The following SNX29 variants were observed in gnomAD, a reference collection of about 807,000 sequenced individuals.
The protein encoded by SNX29 is sorting nexin 29.
In SNX29, 78 loss-of-function variants were observed where a neutral mutation model predicts 102.1. The observed-to-expected ratio is 0.76, with a 90% CI of 0.64 to 0.92. The LOEUF is 0.92. SNX29 is among the 40% of genes least tolerant of loss of function. SNX29 has a pLI of 0.00. For missense variants in SNX29, 1,280 were observed against 1,061.7 expected (o/e 1.21, Z -2.86); for synonymous variants, 580 against 414.5 (o/e 1.40, Z -4.85).
chr16:12,480,846 G>C (rs987789883), intron 19 of SNX29, among the ~76,000 whole-genome samples: 1 of 152,202 alleles, frequency 6.6e-6, no homozygotes, highest in African/African-American at 2.4e-5. Context: ...GGTCTCTGCT[G>C]TGCAGGAGCT....
chr16:12,309,423 T>TC (rs1218097364), intron 15 of SNX29, among the ~76,000 whole-genome samples: 7 of 152,074 alleles, frequency 4.6e-5, no homozygotes, highest in Admixed American at 4.6e-4. Context: ...TCTTCCCTGA[T>TC]CCCCCCACAA....
Position 12,273,636 on chromosome 16 carries a change from G to T in SNX29, c.1679-4297G>T, listed in dbSNP as rs566431247. On this transcript the variant is annotated intron_variant, in intron 14 of 20. Coordinates refer to ENST00000566228, the MANE Select transcript of SNX29 (RefSeq NM_032167.5). ...ACCTCCCAATGTGCTGGGATTACAG[G>T]CGTGAGCCACCAAGCCCGACCCTCA... 2.0e-5 allele frequency among the ~76,000 whole-genome samples: 3 copies of T among 152,294 alleles called. No individual in the cohort carries two copies. In the South Asian group the frequency reaches 6.2e-4, roughly 32 times the overall value.
intron 1 of SNX29, among the ~76,000 whole-genome samples, chr16:11,980,043 C>T (rs1048456604): frequency 2.0e-5 from 3 of 152,230 alleles, no homozygotes; most frequent in Admixed American, 2.0e-4. Flanking sequence ...GTCTCTCCCT[C>T]ACCTCCTGTT....
In SNX29 at chr16:12,477,574, T is replaced by G. The variant is rs968421735; in HGVS notation, c.2038-145T>G. 4 of 910,498 alleles carry G rather than the reference T, an allele frequency of 4.4e-6. No individual in the cohort carries two copies. In the African/African-American group the frequency reaches 5.1e-5, roughly 12 times the overall value. 56.4% of individuals were successfully genotyped at this position (910,498 alleles called of 1,614,324 possible). A position where few individuals can be genotyped will look rare whatever the true frequency, so the allele number is the denominator to read the frequency against. On this transcript the variant is annotated intron_variant, in intron 18 of 20. Transcript: ENST00000566228. The stretch of plus-strand genomic sequence containing the variant: ...TCAGCTAGCACTAATAAATCCCTGC[T>G]CTATGCCAGGAACTGGGCATCCAGT...
At chr16:12,492,835 G>A (rs1221499609) in intron 19 of SNX29, among the ~76,000 whole-genome samples, 1 of 152,286 alleles carries the variant, frequency 6.6e-6, no homozygotes, top group South Asian at 2.1e-4. Context: ...AAGATCAGAT[G>A]GTTGTAGATA....
At chr16:12,060,490 T>A (rs1308107170) in intron 8 of SNX29, among the ~76,000 whole-genome samples, 1 of 152,090 alleles carries the variant, frequency 6.6e-6, no homozygotes, top group Non-Finnish European at 1.5e-5. Flanking sequence ...TAGTCCAAAC[T>A]CCTCGGGATG....
At chr16:12,054,128 C>T (rs773717694) in intron 8 of SNX29, among the ~76,000 whole-genome samples, 28 of 152,078 alleles carry the variant, frequency 1.8e-4, no homozygotes, top group Admixed American at 7.9e-4. Flanking sequence ...CCACCACGCC[C>T]GGCTAATTTT....
intron 14 of SNX29, among the ~76,000 whole-genome samples, chr16:12,258,900 C>A (rs771362955): frequency 6.6e-6 from 1 of 152,156 alleles, no homozygotes; most frequent in Non-Finnish European, 1.5e-5. Flanking sequence ...TTCCCTGAGT[C>A]TCTGTCGGAG....
chr16:12,478,181 T>A (rs746533900), intron 19 of SNX29, among the ~76,000 whole-genome samples: 5 of 152,184 alleles, frequency 3.3e-5, no homozygotes, highest in Admixed American at 6.5e-5. Context: ...TCTGCTGGGG[T>A]CCTGTGTAAG....
intron 18 of SNX29, among the ~76,000 whole-genome samples, chr16:12,437,570 C>G (rs1219041273): frequency 6.6e-6 from 1 of 152,198 alleles, no homozygotes; most frequent in African/African-American, 2.4e-5. Context: ...TAGACAACAT[C>G]TCTGTCTCCC....
intron 19 of SNX29, among the ~76,000 whole-genome samples, chr16:12,495,336 G>C (rs2088768467): frequency 1.3e-5 from 2 of 151,940 alleles, no homozygotes; most frequent in African/African-American, 4.8e-5. Flanking sequence ...ATTTTTAGTA[G>C]AGACAGGGTT....
At chr16:12,536,182 C>T (rs763381923) in intron 20 of SNX29, among the ~76,000 whole-genome samples, 9 of 152,244 alleles carry the variant, frequency 5.9e-5, no homozygotes, top group Middle Eastern at 3.4e-3. Context: ...ACACATCACT[C>T]AGAAGATAAA....
intron 4 of SNX29, among the ~76,000 whole-genome samples, chr16:12,036,211 A>T (rs2057467227): frequency 3.3e-5 from 5 of 151,980 alleles, no homozygotes; most frequent in Admixed American, 1.3e-4. Flanking sequence ...AGTAGCTGGG[A>T]CGACAGGTGT....
At chr16:12,111,559 C>T (rs1043826304) in intron 11 of SNX29, among the ~76,000 whole-genome samples, 3 of 152,192 alleles carry the variant, frequency 2.0e-5, no homozygotes, top group Non-Finnish European at 4.4e-5. Context: ...CCGGCCCCTT[C>T]CCACTGCAAG....
rs370091497 is a variant in SNX29, at chr16:12,003,579, G to C, written c.122+536G>C. Among the ~76,000 whole-genome samples, 33 of 152,358 alleles carry C rather than the reference G, an allele frequency of 2.2e-4. No homozygotes were observed. In the East Asian group the frequency reaches 3.1e-3, roughly 14 times the overall value. On this transcript the variant is annotated intron_variant, in intron 3 of 20. Coordinates refer to ENST00000566228, the MANE Select transcript of SNX29 (RefSeq NM_032167.5). ...GTATGGAGTGGTCCTAGCTATGTTA[G>C]ATAGCACCTCTGGCCAGAACACACC... is the stretch of plus-strand genomic sequence containing the variant.
At chr16:12,065,997 G>C (rs1444928258) in intron 9 of SNX29, among the ~76,000 whole-genome samples, 1 of 152,182 alleles carries the variant, frequency 6.6e-6, no homozygotes, top group Non-Finnish European at 1.5e-5. Flanking sequence ...GTGCACCCCA[G>C]AGCGTCAGGC....
chr16:12,487,034 G>C (rs964157135), intron 19 of SNX29, among the ~76,000 whole-genome samples: 1 of 152,064 alleles, frequency 6.6e-6, no homozygotes, highest in Non-Finnish European at 1.5e-5. Context: ...GTGTGGCCTC[G>C]GGCACGTTAT....
At chr16:12,284,265 G>A (rs1430163388) in intron 15 of SNX29, among the ~76,000 whole-genome samples, 1 of 152,254 alleles carries the variant, frequency 6.6e-6, no homozygotes, top group South Asian at 2.1e-4. Flanking sequence ...ACTGCCGTAT[G>A]TTCCTGGGCA....
intron 18 of SNX29, among the ~76,000 whole-genome samples, chr16:12,469,337 T>C (rs1022383517): frequency 5.3e-5 from 8 of 152,234 alleles, no homozygotes; most frequent in East Asian, 1.9e-4. Context: ...AGGACACTTA[T>C]AGTTAATAAC....
Sources: gnomAD v4.1 joint callset for allele counts (sites outside exome capture counted in the v4.1 genomes callset) on GRCh38, gnomAD v4.1.1 for gene constraint, MANE v1.5 for transcripts, NCBI Gene and HGNC (gene_info 2026-07-23, HGNC 2026-07-21) for gene names.